Variants in MTMR10 observed in about 807,000 individuals in gnomAD.
MTMR10 encodes the protein myotubularin-related protein 10.
In MTMR10, 56 loss-of-function variants were observed where a neutral mutation model predicts 88.1. The ratio of observed to expected loss-of-function variants is 0.64; its 90% confidence interval spans 0.51 to 0.79. MTMR10 has a LOEUF of 0.79. MTMR10 is among the 30% of genes least tolerant of loss of function. MTMR10 has a pLI of 0.00. For synonymous variants in MTMR10, 380 were observed against 340.9 expected (o/e 1.11, Z -1.26); for missense variants, 883 against 924.7 (o/e 0.95, Z 0.58).
At chr15:30,956,961 C>T (rs550904007) in intron 9 of MTMR10, among the ~76,000 whole-genome samples, 1 of 152,250 alleles carries the variant, frequency 6.6e-6, no homozygotes, top group Admixed American at 6.5e-5. Flanking sequence ...AATACGGACT[C>T]GTGTGAACTA....
chr15:30,949,263 G>GA (rs1282561677), intron 12 of MTMR10: 3 of 152,188 alleles, frequency 2.0e-5, no homozygotes, highest in Non-Finnish European at 2.9e-5. Context: ...TTTCACTGGT[G>GA]AAAGACTGGA....
chr15:30,974,920 A>AT lies in MTMR10; in HGVS notation c.331+10dup. 1.3e-6 allele frequency: 2 copies of AT among 1,515,690 alleles called. No individual in the cohort carries two copies. The highest frequency in any genetic ancestry group is 4.1e-5 in the Admixed American group (2 of 48,444). 93.9% of individuals were successfully genotyped at this position (1,515,690 alleles called of 1,614,324 possible). A position where few individuals can be genotyped will look rare whatever the true frequency, so the allele number is the denominator to read the frequency against. ...AATTGACTTTTAGAGTATGTACGGA[A>AT]TACTACGTACCTGTGACAATTTGCT... is the stretch of plus-strand genomic sequence containing the variant. On this transcript the variant is annotated intron_variant, in intron 4 of 15. Coordinates refer to ENST00000435680, the MANE Select transcript of MTMR10 (RefSeq NM_017762.3).
At chr15:30,973,354 C>T (rs1336952335) in intron 5 of MTMR10, among the ~76,000 whole-genome samples, 1 of 152,022 alleles carries the variant, frequency 6.6e-6, no homozygotes, top group East Asian at 1.9e-4. Flanking sequence ...TATTCATCTC[C>T]TGCTTGCCTT....
At chr15:30,979,534 G>A (rs1220414862) in intron 2 of MTMR10, among the ~76,000 whole-genome samples, 1 of 151,986 alleles carries the variant, frequency 6.6e-6, no homozygotes, top group Non-Finnish European at 1.5e-5. Context: ...ACTCCAGACT[G>A]GGCAACAGAG....
the MTMR10 span, chr15:30,928,388 C>T: frequency 5.7e-5 from 82 of 1,446,058 alleles, no homozygotes; most frequent in African/African-American, 1.1e-3. Flanking sequence ...ATAAAATAAA[C>T]TGGGAATGGC....
At chr15:30,969,808 A>C (rs2063516052) in intron 5 of MTMR10, among the ~76,000 whole-genome samples, 1 of 152,094 alleles carries the variant, frequency 6.6e-6, no homozygotes, top group Non-Finnish European at 1.5e-5. Context: ...AGGTCAGAGA[A>C]AAACAGGTTT....
the MTMR10 span, among the ~76,000 whole-genome samples, chr15:30,919,906 A>C: frequency 6.6e-6 from 1 of 152,166 alleles, no homozygotes; most frequent in African/African-American, 2.4e-5. Context: ...GTTTAAACCC[A>C]TGTTGTCCAG....
chr15:30,940,524 T>G lies in MTMR10; in HGVS notation c.*946A>C. ...CCAGGGGGAAGTGCCAGCAATAGTTTACCACACTGGAAATACTGATGGCCA... is the reference window on the plus strand; with the variant it reads ...CCAGGGGGAAGTGCCAGCAATAGTTGACCACACTGGAAATACTGATGGCCA... On this transcript the variant is annotated 3_prime_UTR_variant, in exon 16 of 16. Coordinates refer to ENST00000435680, the MANE Select transcript of MTMR10 (RefSeq NM_017762.3). 1.0e-6 allele frequency: 1 copy of G among 985,480 alleles called. No individual in the cohort carries two copies. Among genetic ancestry groups the G allele is most frequent in the Non-Finnish European group, 1.2e-6 (1 of 829,954 alleles). The allele number at this position is 985,480 out of a possible 1,614,324, so 61.0% of individuals were successfully genotyped here. A position where few individuals can be genotyped will look rare whatever the true frequency, so the allele number is the denominator to read the frequency against.
chr15:30,965,983 C>G (rs1374381773), intron 6 of MTMR10: 1 of 454,134 alleles, frequency 2.2e-6, no homozygotes, highest in African/African-American at 2.0e-5. Flanking sequence ...TGAATTCTGA[C>G]TGCAGTGTGT....
chr15:30,919,434 T>TACA, the MTMR10 span, among the ~76,000 whole-genome samples: 22 of 148,708 alleles, frequency 1.5e-4, no homozygotes, highest in African/African-American at 4.5e-4. Context: ...CTCATGCCTG[T>TACA]AATCCCAGCA....
intron 2 of MTMR10, 108 bp downstream of exon 2, chr15:30,990,669 A>C (rs1361267398): frequency 1.1e-6 from 1 of 910,384 alleles, no homozygotes; most frequent in Non-Finnish European, 1.7e-6. Context: ...TTAACTGGAG[A>C]AAGTTTAATG....
intron 2 of MTMR10, among the ~76,000 whole-genome samples, chr15:30,980,100 A>C (rs946103582): frequency 1.3e-5 from 2 of 152,218 alleles, no homozygotes; most frequent in Non-Finnish European, 2.9e-5. Context: ...AATTATCTGA[A>C]ACAAGGTTTA....
chr15:30,946,485 C>T (rs1275364607), intron 14 of MTMR10: 9 of 441,474 alleles, frequency 2.0e-5, no homozygotes, highest in Admixed American at 1.1e-4. Flanking sequence ...CAGGGCCTTA[C>T]GGCTGAGGCT....
chr15:30,941,263 CAG>C lies in MTMR10; in HGVS notation c.*205_*206del, dbSNP rs776567616. ...GTTACAAGAGCCAGACCTGTAATGA[CAG>C]AAAGAGGACAGGAACAAAATTTACA... On this transcript the variant is annotated 3_prime_UTR_variant, in exon 16 of 16. Transcript: ENST00000435680. 1.3e-4 allele frequency: 191 copies of C among 1,471,948 alleles called. 1 individual carries two copies. In the East Asian group the frequency reaches 5.2e-3, roughly 40 times the overall value. 91.2% of individuals were successfully genotyped at this position (1,471,948 alleles called of 1,614,324 possible). A position where few individuals can be genotyped will look rare whatever the true frequency, so the allele number is the denominator to read the frequency against.
Position 30,942,892 on chromosome 15 carries a change from T to C in MTMR10, c.1729A>G (p.Lys577Glu). ...NGSVKSFKRT[K>E]KSYSSTLRGM... Reference sequence around the variant, plus strand: ...ACGTTTTGTTAGCTGTGATTTACCTTTGTCCGTTTAAAAGACTTCACGGAG... The same window carrying C: ...ACGTTTTGTTAGCTGTGATTTACCTCTGTCCGTTTAAAAGACTTCACGGAG... The change falls in exon 15 of 16, where the codon AAG (lysine) becomes GAG (glutamate). Residue 577 changes from lysine (K) to glutamate (E), a missense_variant and splice_region_variant. Transcript: ENST00000435680. 1 of 1,560,416 alleles carries C rather than the reference T, an allele frequency of 6.4e-7. No individual in the cohort carries two copies. Among genetic ancestry groups the C allele is most frequent in the Non-Finnish European group, 8.7e-7 (1 of 1,151,130 alleles).
the MTMR10 span, among the ~76,000 whole-genome samples, chr15:30,930,235 A>ATCAT: frequency 6.6e-6 from 1 of 151,540 alleles, no homozygotes; most frequent in Non-Finnish European, 1.5e-5. Context: ...GCCCTCTATG[A>ATCAT]GGCCATGCTG....
chr15:30,970,766 T>C (rs1357688039), intron 5 of MTMR10, among the ~76,000 whole-genome samples: 1 of 152,130 alleles, frequency 6.6e-6, no homozygotes, highest in Non-Finnish European at 1.5e-5. Flanking sequence ...AGCGTATTTT[T>C]TAAAAGCCCC....
intron 9 of MTMR10, among the ~76,000 whole-genome samples, chr15:30,955,769 G>A (rs1191719936): frequency 6.6e-6 from 1 of 152,106 alleles, no homozygotes. Flanking sequence ...AGAATGCAAA[G>A]CACCTATTCC....
intron 5 of MTMR10, among the ~76,000 whole-genome samples, chr15:30,969,679 AT>A: frequency 6.6e-6 from 1 of 152,156 alleles, no homozygotes; most frequent in East Asian, 1.9e-4. Context: ...TCTCCTGATA[AT>A]CTGCTGTGGT....
Sources: gnomAD v4.1 joint callset for allele counts (sites outside exome capture counted in the v4.1 genomes callset) on GRCh38, gnomAD v4.1.1 for gene constraint, MANE v1.5 for transcripts, NCBI Gene and HGNC (gene_info 2026-07-23, HGNC 2026-07-21) for gene names.